SLC39A11: variants seen among roughly 807,000 people sequenced by gnomAD.
SLC39A11 encodes solute carrier family 39 member 11, also known as zinc transporter ZIP11.
A neutral mutation model predicts 36.1 loss-of-function variants in SLC39A11; 33 were observed. That is an observed-to-expected ratio of 0.91 (90% CI 0.69 to 1.22). The LOEUF (loss-of-function observed/expected upper bound fraction) is 1.22, where lower values mean the gene tolerates loss of function less well. SLC39A11 is among the 50% of genes most tolerant of loss of function. The probability of loss-of-function intolerance (pLI) is 0.00; values close to 1 mark genes in which losing one functional copy is unlikely to be tolerated. For synonymous variants in SLC39A11, 166 were observed against 170.3 expected, an observed-to-expected ratio of 0.97 and a Z score of 0.20; for missense variants, 432 against 430.3, an observed-to-expected ratio of 1.00 and a Z score of -0.03.
intron 3 of SLC39A11, among the ~76,000 whole-genome samples, chr17:73,060,187 G>A (rs1346590871): frequency 7.3e-6 from 1 of 137,802 alleles, no homozygotes; most frequent in East Asian, 2.0e-4. Context: ...TCCAGCCTGG[G>A]CAACAAGAAT....
chr17:72,777,967 C>T (rs1008202889), intron 6 of SLC39A11, among the ~76,000 whole-genome samples: 4 of 152,038 alleles, frequency 2.6e-5, no homozygotes, highest in East Asian at 1.9e-4. Context: ...TGCAGTGGTG[C>T]GATGTCGGCT....
rs149467668 is a variant in SLC39A11, at chr17:72,783,648, G to C, written c.602-46929C>G. On this transcript the variant is annotated intron_variant, in intron 6 of 9. Coordinates refer to ENST00000255559, the MANE Select transcript of SLC39A11 (RefSeq NM_139177.4). ...CAGCGTATGGATGGTGTGAAGCCGT[G>C]GGGGCAGGGAAGAATGCCCAGGATG... 4.6e-5 allele frequency among the ~76,000 whole-genome samples: 7 copies of C among 152,314 alleles called. No homozygotes were observed. The East Asian group carries it at 1.2e-3, about 25-fold the overall frequency.
intron 6 of SLC39A11, among the ~76,000 whole-genome samples, chr17:72,749,971 G>A (rs980542434): frequency 6.6e-6 from 1 of 152,154 alleles, no homozygotes; most frequent in African/African-American, 2.4e-5. Context: ...CGCACAAAGA[G>A]ACACAGGCTC....
At chr17:72,941,862 CTATTTATTTATT>C (rs141344356) in intron 5 of SLC39A11, among the ~76,000 whole-genome samples, 1 of 144,684 alleles carries the variant, frequency 6.9e-6, no homozygotes, top group East Asian at 2.0e-4. Context: ...TTGCTTCATT[CTATTTATTTATT>C]TATTTATTTA....
chr17:73,083,366 C>T (rs774796253), intron 3 of SLC39A11, among the ~76,000 whole-genome samples: 5 of 152,302 alleles, frequency 3.3e-5, no homozygotes, highest in Non-Finnish European at 5.9e-5. Context: ...ACAGTGGCTC[C>T]AGTCTAACAG....
intron 4 of SLC39A11, among the ~76,000 whole-genome samples, chr17:73,011,040 C>T (rs946276806): frequency 1.0e-4 from 15 of 150,152 alleles, no homozygotes; most frequent in African/African-American, 3.7e-4. Flanking sequence ...AGAGACATGA[C>T]CCATCTGTGC....
At chr17:72,824,919 T>G (rs1456391883) in intron 6 of SLC39A11, among the ~76,000 whole-genome samples, 1 of 151,236 alleles carries the variant, frequency 6.6e-6, no homozygotes, top group African/African-American at 2.4e-5. Flanking sequence ...GAACTTATAT[T>G]TAAAAGGGAA....
At chr17:72,861,638 A>G (rs1244410027) in intron 5 of SLC39A11, among the ~76,000 whole-genome samples, 2 of 117,986 alleles carry the variant, frequency 1.7e-5, no homozygotes, top group African/African-American at 6.8e-5. Flanking sequence ...AAATACATGC[A>G]CCATCTATAT....
intron 4 of SLC39A11, among the ~76,000 whole-genome samples, chr17:72,953,164 C>T (rs2085990532): frequency 1.3e-5 from 2 of 151,994 alleles, no homozygotes; most frequent in South Asian, 4.2e-4. Flanking sequence ...GGCCACGGAA[C>T]TTGAGACTCC....
At chr17:72,872,791 T>C (rs957262371) in intron 5 of SLC39A11, among the ~76,000 whole-genome samples, 2 of 152,090 alleles carry the variant, frequency 1.3e-5, no homozygotes, top group African/African-American at 4.8e-5. Flanking sequence ...GTGCAGTGGC[T>C]CATGCCTGTA....
At chr17:73,055,973 C>A (rs2059652988) in intron 3 of SLC39A11, among the ~76,000 whole-genome samples, 1 of 152,116 alleles carries the variant, frequency 6.6e-6, no homozygotes, top group South Asian at 2.1e-4. Context: ...AAATAAAGGT[C>A]AATTAAGATC....
chr17:72,725,240 C>T (rs748376467), intron 7 of SLC39A11, among the ~76,000 whole-genome samples: 15 of 152,278 alleles, frequency 9.9e-5, no homozygotes, highest in Non-Finnish European at 1.3e-4. Context: ...ACTTTTCGCA[C>T]CTCTATGCTC....
chr17:72,737,394 A>T (rs2074476186), intron 6 of SLC39A11, among the ~76,000 whole-genome samples: 1 of 152,206 alleles, frequency 6.6e-6, no homozygotes, highest in South Asian at 2.1e-4. Context: ...TGGGTTTCAT[A>T]GTACATGAGC....
intron 6 of SLC39A11, among the ~76,000 whole-genome samples, chr17:72,804,515 T>C (rs1301899638): frequency 6.6e-6 from 1 of 152,182 alleles, no homozygotes; most frequent in Non-Finnish European, 1.5e-5. Flanking sequence ...CCTGTAAGAT[T>C]ATAAAAGGAA....
rs1568127591 is a variant in SLC39A11 at position 72,809,203 on chromosome 17, CTCTCTCTCT to C, written c.601+40422_601+40430del. 9.6e-3 allele frequency among the ~76,000 whole-genome samples: 1,376 copies of C among 143,836 alleles called. 19 individuals are homozygous for C. Among genetic ancestry groups the C allele is most frequent in the African/African-American group, 0.031 (1,242 of 39,794 alleles). The allele number at this position is 143,836 out of a possible 152,430, so 94.4% of individuals were successfully genotyped here. On this transcript the variant is annotated intron_variant, in intron 6 of 9. Coordinates refer to ENST00000255559, the MANE Select transcript of SLC39A11 (RefSeq NM_139177.4). ...AGATCATCTTCTTTCTTTTCTTTCT[CTCTCTCTCT>C]CTCTCTCTCTCTCTCTTTCTTTCTG...
chr17:72,963,439 G>A (rs371760335), intron 4 of SLC39A11, among the ~76,000 whole-genome samples: 6 of 151,968 alleles, frequency 3.9e-5, no homozygotes, highest in Admixed American at 2.0e-4. Context: ...CAAAGTGCTG[G>A]GATTACAGGC....
intron 3 of SLC39A11, among the ~76,000 whole-genome samples, chr17:73,054,024 G>T (rs1001816634): frequency 6.6e-6 from 1 of 152,084 alleles, no homozygotes; most frequent in Non-Finnish European, 1.5e-5. Flanking sequence ...CACATGGGGG[G>T]TCTGGAAAAA....
chr17:73,070,912 C>T (rs2060143364), intron 3 of SLC39A11, among the ~76,000 whole-genome samples: 2 of 152,158 alleles, frequency 1.3e-5, no homozygotes, highest in South Asian at 4.1e-4. Flanking sequence ...GTAAATTGCC[C>T]AGTCTCCCGT....
At chr17:72,699,874 T>C (rs1191968447) in intron 7 of SLC39A11, among the ~76,000 whole-genome samples, 1 of 152,170 alleles carries the variant, frequency 6.6e-6, no homozygotes, top group Non-Finnish European at 1.5e-5. Flanking sequence ...CTTTCGGGTT[T>C]GCTACCTACA....
Sources: gnomAD v4.1 joint callset for allele counts (sites outside exome capture counted in the v4.1 genomes callset) on GRCh38, gnomAD v4.1.1 for gene constraint, MANE v1.5 for transcripts, NCBI Gene and HGNC (gene_info 2026-07-23, HGNC 2026-07-21) for gene names.